The following WNK2 variants were observed in gnomAD, a reference collection of about 807,000 sequenced individuals.
The protein encoded by WNK2 is WNK lysine deficient protein kinase 2.
Under a neutral mutation model 192.1 loss-of-function variants are expected in WNK2, and 67 were observed. The observed-to-expected ratio is 0.35, with a 90% CI of 0.29 to 0.43. The LOEUF (loss-of-function observed/expected upper bound fraction) is 0.43, where lower values mean the gene tolerates loss of function less well. Ranked by LOEUF, WNK2 falls within the 20% of genes least tolerant of loss-of-function variation. WNK2 has a pLI of 1.00. For missense variants in WNK2, 2,698 were observed against 3,089.7 expected, an observed-to-expected ratio of 0.87 and a Z score of 3.01; for synonymous variants, 1,439 against 1,393.9, an observed-to-expected ratio of 1.03 and a Z score of -0.72.
intron 5 of WNK2, among the ~76,000 whole-genome samples, chr9:93,237,981 G>C (rs937653700): frequency 6.4e-4 from 97 of 152,278 alleles, no homozygotes; most frequent in African/African-American, 2.1e-3. Context: ...GGTTTACGGT[G>C]CCTTGTCTGG....
At chr9:93,260,753 G>A (rs568558094) in intron 12 of WNK2, among the ~76,000 whole-genome samples, 8 of 152,336 alleles carry the variant, frequency 5.3e-5, no homozygotes, top group African/African-American at 1.2e-4. Flanking sequence ...AATCGCATCC[G>A]TCCTGTGGCC....
At chr9:93,269,065 C>G (rs950871953) in intron 19 of WNK2, 1 of 931,396 alleles carries the variant, frequency 1.1e-6, no homozygotes, top group South Asian at 1.5e-5. Flanking sequence ...CTCCTTGCTC[C>G]TGTCCCTTTC....
intron 25 of WNK2, among the ~76,000 whole-genome samples, chr9:93,299,845 G>T (rs944044500): frequency 2.1e-5 from 1 of 47,104 alleles, no homozygotes. Context: ...CACCCTGCCC[G>T]CCCCTCTCCG....
chr9:93,235,766 A>G (rs1218280992), intron 5 of WNK2, among the ~76,000 whole-genome samples: 4 of 152,134 alleles, frequency 2.6e-5, no homozygotes, highest in Non-Finnish European at 1.5e-5. Flanking sequence ...TCCACATGCC[A>G]CCTGACTGGG....
At chr9:93,197,580 G>A (rs1831499449) in intron 2 of WNK2, among the ~76,000 whole-genome samples, 1 of 152,162 alleles carries the variant, frequency 6.6e-6, no homozygotes, top group African/African-American at 2.4e-5. Flanking sequence ...AGACTGGAGT[G>A]CAGTGGTGTG....
intron 19 of WNK2, among the ~76,000 whole-genome samples, chr9:93,284,079 A>G (rs1216187211): frequency 2.0e-5 from 3 of 152,318 alleles, no homozygotes; most frequent in South Asian, 2.1e-4. Flanking sequence ...AGAGGTGTGT[A>G]TAAGGGGGAA....
intron 19 of WNK2, among the ~76,000 whole-genome samples, chr9:93,274,636 TACAG>T (rs1298850984): frequency 5.9e-5 from 9 of 152,232 alleles, no homozygotes; most frequent in Admixed American, 2.6e-4. Flanking sequence ...TGAACAAGCT[TACAG>T]ACAGAAATTA....
At chr9:93,204,494 T>A (rs1309781046) in intron 2 of WNK2, among the ~76,000 whole-genome samples, 1 of 152,144 alleles carries the variant, frequency 6.6e-6, no homozygotes, top group Non-Finnish European at 1.5e-5. Context: ...GTTCTAAATG[T>A]GCTGGGAAGC....
At chr9:93,240,067 G>C (rs368609450) in intron 7 of WNK2, 91 bp downstream of exon 7, 32 of 1,345,696 alleles carry the variant, frequency 2.4e-5, no homozygotes, top group South Asian at 2.2e-4. Flanking sequence ...GAGGGGGCTT[G>C]CTCCGGAGGG....
chr9:93,290,616 C>T (rs559422718), intron 21 of WNK2, among the ~76,000 whole-genome samples: 5 of 152,358 alleles, frequency 3.3e-5, no homozygotes, highest in South Asian at 4.1e-4. Context: ...GGTCTGCACA[C>T]GTTCCGGTGG....
intron 9 of WNK2, among the ~76,000 whole-genome samples, chr9:93,254,307 C>T (rs919801712): frequency 4.6e-5 from 7 of 152,188 alleles, no homozygotes; most frequent in South Asian, 4.1e-4. Flanking sequence ...CTGTGTACTC[C>T]GGGCCAAGCT....
intron 19 of WNK2, among the ~76,000 whole-genome samples, chr9:93,271,925 T>C (rs888056101): frequency 3.3e-5 from 5 of 152,240 alleles, no homozygotes; most frequent in Admixed American, 2.6e-4. Context: ...TGAGTGACTA[T>C]AGATTTCTCG....
intron 2 of WNK2, among the ~76,000 whole-genome samples, chr9:93,228,491 T>C (rs1011593073): frequency 6.6e-6 from 1 of 152,186 alleles, no homozygotes; most frequent in Non-Finnish European, 1.5e-5. Context: ...TAGTTATGTT[T>C]CTGGTTTCCT....
At chr9:93,208,640 A>G (rs922887530) in intron 2 of WNK2, among the ~76,000 whole-genome samples, 1 of 4,462 alleles carries the variant, frequency 2.2e-4, no homozygotes, top group African/African-American at 9.1e-4. Flanking sequence ...CTCCATGTGC[A>G]CATGTTCTGT....
intron 19 of WNK2, among the ~76,000 whole-genome samples, chr9:93,277,915 AAG>A (rs1229271337): frequency 6.6e-6 from 1 of 152,206 alleles, no homozygotes; most frequent in Non-Finnish European, 1.5e-5. Context: ...GATAGCATAA[AAG>A]AGAAGCAGCA....
chr9:93,307,092 A>C, intron 27 of WNK2: 1 of 520,834 alleles, frequency 1.9e-6, no homozygotes. Flanking sequence ...ACACCCGCAA[A>C]TTGCCGATCA....
At chr9:93,241,944 A>G (rs1481180138) in intron 7 of WNK2, among the ~76,000 whole-genome samples, 1 of 152,002 alleles carries the variant, frequency 6.6e-6, no homozygotes, top group African/African-American at 2.4e-5. Context: ...ACTTTGGGCT[A>G]CTTGAGCTAA....
At chr9:93,261,711 G>A in intron 12 of WNK2, 103 bp from the exon 13 acceptor site, 1 of 1,375,658 alleles carries the variant, frequency 7.3e-7, no homozygotes, top group South Asian at 1.3e-5. Flanking sequence ...CTGGAGAGGG[G>A]TGTTCCCATC....
At position 93,239,440 on chromosome 9, in the gene WNK2, C is replaced by T. The variant is rs1840372333; in HGVS notation, c.1323-317C>T. On this transcript the variant is annotated intron_variant, in intron 6 of 29. Coordinates refer to ENST00000427277, the MANE Select transcript of WNK2 (RefSeq NM_006648.4). This position sits in a 1 kb window ranked among gnomAD's most constrained non-coding sequence, Gnocchi z 4.2. ...TCTGACAATTGAAAGCTGGCTAGCA[C>T]ATCCACAGGGGCTGTATTTGCATAA... Among the ~76,000 whole-genome samples, 1 of 152,194 alleles carries T rather than the reference C, an allele frequency of 6.6e-6. No individual in the cohort carries two copies. Among genetic ancestry groups the T allele is most frequent in the Non-Finnish European group, 1.5e-5 (1 of 68,038 alleles).
Sources: allele counts gnomAD v4.1 joint callset (sites outside exome capture counted in the v4.1 genomes callset), GRCh38; gene constraint gnomAD v4.1.1; non-coding constraint Gnocchi (gnomAD v3.1); transcripts MANE v1.5; gene names NCBI Gene and HGNC (gene_info 2026-07-23, HGNC 2026-07-21).